ADGRL2: variants seen among roughly 807,000 people sequenced by gnomAD.
ADGRL2 encodes the protein adhesion G protein-coupled receptor L2.
In ADGRL2, 44 loss-of-function variants were observed where a neutral mutation model predicts 157.4. That is an observed-to-expected ratio of 0.28 (90% CI 0.22 to 0.36). The LOEUF (loss-of-function observed/expected upper bound fraction) is 0.36, where lower values mean the gene tolerates loss of function less well. ADGRL2 is among the 10% of genes least tolerant of loss of function. The pLI, the probability that ADGRL2 is intolerant of heterozygous loss-of-function variation, is 1.00. For synonymous variants in ADGRL2, 585 were observed against 624.7 expected (o/e 0.94, Z 0.95); for missense variants, 1,510 against 1,768.9 (o/e 0.85, Z 2.63).
upstream of ADGRL2, among the ~76,000 whole-genome samples, chr1:81,796,968 C>G (rs182885058): frequency 6.6e-6 from 1 of 152,226 alleles, no homozygotes; most frequent in South Asian, 2.1e-4. Flanking sequence ...TTTGCTCTTA[C>G]GGAAAATGAG....
chr1:81,744,478 A>G (rs951243240), intron 1 of ADGRL2, among the ~76,000 whole-genome samples: 7 of 152,188 alleles, frequency 4.6e-5, no homozygotes, highest in African/African-American at 1.7e-4. Flanking sequence ...GGCACTAGTA[A>G]CCACTACGCC....
intron 22 of ADGRL2, 28 bp downstream of exon 22, chr1:81,987,057 C>T (rs1248834549): frequency 4.4e-6 from 7 of 1,606,238 alleles, no homozygotes; most frequent in Non-Finnish European, 5.9e-6. Flanking sequence ...ATAAAACTAC[C>T]TTTCTTTGCT....
At chr1:81,513,511 G>C (rs1339548432) in intron 2 of ADGRL2, among the ~76,000 whole-genome samples, 3 of 152,078 alleles carry the variant, frequency 2.0e-5, no homozygotes, top group Non-Finnish European at 4.4e-5. Flanking sequence ...ATTAATTCTT[G>C]AAATGGCTCA....
rs1337295727 is a variant in ADGRL2, at chr1:81,991,102, G to T, written c.4367G>T (p.Gly1456Val). ...PINKEGCIPE[G>V]DVREGQMQLV... Reference sequence around the variant, plus strand: ...AACAAAGAAGGGTGTATTCCAGAAGGAGATGTTAGAGAAGGACAAATGCAG... The same window carrying T: ...AACAAAGAAGGGTGTATTCCAGAAGTAGATGTTAGAGAAGGACAAATGCAG... Residue 1456 changes from glycine to valine, a missense_variant, in exon 24 of 24, where the codon GGA (glycine) becomes GTA (valine). By Grantham distance (109) the Gly-to-Val change is moderately radical (BLOSUM62 -3). Around this residue, in one of 4 missense-constraint regions of ADGRL2, gnomAD observed 327 missense variants for 310.1 expected, o/e 1.05. Transcript: ENST00000686636. The T allele has an allele frequency of 1.2e-6, 2 of 1,610,304 alleles. No homozygotes were observed. The highest frequency in any genetic ancestry group is 8.5e-7 in the Non-Finnish European group (1 of 1,177,682).
rs1303910516 is a variant in ADGRL2, at chr1:81,427,511, A to T, written c.-301-17525A>T. The T allele has an allele frequency of 4.0e-6, 3 of 751,260 alleles. No individual in the cohort carries two copies. The African/African-American group carries it at 5.1e-5, about 13-fold the overall frequency. 46.5% of individuals were successfully genotyped at this position (751,260 alleles called of 1,614,324 possible). A position where few individuals can be genotyped will look rare whatever the true frequency, so the allele number is the denominator to read the frequency against. ...AGTGGACAACAGCAATCAAATTACG[A>T]ACCCATGTAAGGGGGCAGTTTTGGT... On this transcript the variant is annotated intron_variant, in intron 1 of 24. Coordinates refer to the ADGRL2 transcript ENST00000370721.
chr1:81,884,665 A>T (rs887758915), intron 2 of ADGRL2, among the ~76,000 whole-genome samples: 1 of 152,220 alleles, frequency 6.6e-6, no homozygotes, highest in Non-Finnish European at 1.5e-5. Context: ...AGGTAGGCTT[A>T]TAAATATGCT....
chr1:81,771,174 G>GT (rs1374271169), intron 2 of ADGRL2, among the ~76,000 whole-genome samples: 1 of 152,032 alleles, frequency 6.6e-6, no homozygotes, highest in East Asian at 1.9e-4. Context: ...TAAGTTGTTG[G>GT]TTTTTTGTAG....
At chr1:81,573,236 T>C (rs1430849498) in intron 2 of ADGRL2, among the ~76,000 whole-genome samples, 1 of 151,900 alleles carries the variant, frequency 6.6e-6, no homozygotes, top group Non-Finnish European at 1.5e-5. Context: ...TTCAGGAGAG[T>C]CCAGATAGGA....
chr1:81,683,507 T>C (rs988633123), intron 3 of ADGRL2, among the ~76,000 whole-genome samples: 4 of 152,190 alleles, frequency 2.6e-5, no homozygotes, highest in African/African-American at 9.7e-5. Flanking sequence ...TGCGTCCTCA[T>C]AGCTTAGCTC....
chr1:81,383,336 G>A lies in ADGRL2; in HGVS notation c.-301-61700G>A, dbSNP rs114587436. 8.0e-4 allele frequency among the ~76,000 whole-genome samples: 121 copies of A among 152,152 alleles called. 1 individual carries two copies. Among genetic ancestry groups the A allele is most frequent in the Non-Finnish European group, 8.1e-4 (55 of 68,008 alleles). On this transcript the variant is annotated intron_variant, in intron 1 of 24. Transcript: ENST00000370721. ...TTTGCTTTAAATTAGCACTCACATT[G>A]ATAGATTGAACAGGTAAAAACGGCT...
intron 2 of ADGRL2, among the ~76,000 whole-genome samples, chr1:81,887,594 G>A (rs753253728): frequency 1.3e-5 from 2 of 152,108 alleles, no homozygotes; most frequent in African/African-American, 2.4e-5. Flanking sequence ...GGAAACACCG[G>A]GCTGCATGAT....
At chr1:81,944,976 A>G (rs1649324967) in intron 6 of ADGRL2, among the ~76,000 whole-genome samples, 1 of 152,044 alleles carries the variant, frequency 6.6e-6, no homozygotes. Context: ...TTTTGTTCAT[A>G]TAATAACAAT....
intron 3 of ADGRL2, among the ~76,000 whole-genome samples, chr1:81,660,262 A>G (rs1239183742): frequency 6.6e-6 from 1 of 152,230 alleles, no homozygotes; most frequent in African/African-American, 2.4e-5. Context: ...GCACTCTAAA[A>G]AGTAATAATA....
At chr1:81,854,182 A>G (rs1047076454) in intron 2 of ADGRL2, among the ~76,000 whole-genome samples, 3 of 152,168 alleles carry the variant, frequency 2.0e-5, no homozygotes, top group Non-Finnish European at 4.4e-5. Flanking sequence ...AAAATGTTTT[A>G]TAGTTTTCCT....
chr1:81,891,380 A>C (rs2094260020), intron 2 of ADGRL2, among the ~76,000 whole-genome samples: 1 of 152,006 alleles, frequency 6.6e-6, no homozygotes, highest in South Asian at 2.1e-4. Context: ...TTATTGTTAG[A>C]GTATGTTGTT....
intron 1 of ADGRL2, among the ~76,000 whole-genome samples, chr1:81,411,184 C>T (rs1186208372): frequency 1.3e-5 from 2 of 152,116 alleles, no homozygotes; most frequent in Non-Finnish European, 2.9e-5. Flanking sequence ...GCAAAGGCAG[C>T]GTATGAAAGT....
At chr1:81,324,909 G>A (rs1431665188) in intron 1 of ADGRL2, among the ~76,000 whole-genome samples, 2 of 151,960 alleles carry the variant, frequency 1.3e-5, no homozygotes, top group Admixed American at 6.6e-5. Context: ...TAGAGACGGG[G>A]TTTTACAGTG....
chr1:81,959,988 CG>C (rs1444544559), intron 11 of ADGRL2, among the ~76,000 whole-genome samples: 2 of 151,952 alleles, frequency 1.3e-5, no homozygotes, highest in East Asian at 3.9e-4. Flanking sequence ...TTAGTTAAGA[CG>C]GGATTTCACC....
At chr1:81,710,141 A>T (rs2083875451) in intron 1 of ADGRL2, among the ~76,000 whole-genome samples, 1 of 152,160 alleles carries the variant, frequency 6.6e-6, no homozygotes, top group East Asian at 1.9e-4. Context: ...AACGTGTCAG[A>T]TTCTTCTGGC....
Sources: allele counts gnomAD v4.1 joint callset (sites outside exome capture counted in the v4.1 genomes callset), GRCh38; gene constraint gnomAD v4.1.1; regional missense constraint gnomAD v4.1.1; transcripts MANE v1.5; gene names NCBI Gene and HGNC (gene_info 2026-07-23, HGNC 2026-07-21).